Variants in MYO16 observed in about 807,000 individuals in gnomAD.
MYO16 encodes the protein myosin XVI.
A neutral mutation model predicts 205.3 loss-of-function variants in MYO16; 94 were observed. That is an observed-to-expected ratio of 0.46 (90% CI 0.39 to 0.54). MYO16 has a LOEUF of 0.54. MYO16 is among the 20% of genes least tolerant of loss of function. The pLI is 0.00. For synonymous variants in MYO16, 988 were observed against 954.0 expected, an observed-to-expected ratio of 1.04 and a Z score of -0.66; for missense variants, 2,315 against 2,387.5, an observed-to-expected ratio of 0.97 and a Z score of 0.63.
At chr13:109,066,192 G>A (rs1285179014) in intron 27 of MYO16, among the ~76,000 whole-genome samples, 1 of 152,176 alleles carries the variant, frequency 6.6e-6, no homozygotes, top group African/African-American at 2.4e-5. Context: ...TACCCAATGA[G>A]GCAGACCCTC....
intron 31 of MYO16, among the ~76,000 whole-genome samples, chr13:109,129,668 C>G (rs145734769): frequency 6.6e-6 from 1 of 151,852 alleles, no homozygotes; most frequent in Non-Finnish European, 1.5e-5. Flanking sequence ...ATGCTAAGAC[C>G]GATAAGATGG....
chr13:108,524,800 G>C, the MYO16 span, among the ~76,000 whole-genome samples: 1 of 152,102 alleles, frequency 6.6e-6, no homozygotes, highest in East Asian at 1.9e-4. Context: ...AAATGATTAA[G>C]AGTGAGACGA....
intron 20 of MYO16, among the ~76,000 whole-genome samples, chr13:108,972,351 C>CATATATATATATATATATATATATATAT (rs869041443): frequency 5.7e-5 from 1 of 17,446 alleles, no homozygotes; most frequent in African/African-American, 1.6e-4. Context: ...TATATATAGC[C>CATATATATATATATATATATATATATAT]ATATATATAT....
chr13:109,189,061 T>C (rs1879805560), intron 34 of MYO16, among the ~76,000 whole-genome samples: 1 of 151,762 alleles, frequency 6.6e-6, no homozygotes, highest in Non-Finnish European at 1.5e-5. Context: ...GTAATTGTAC[T>C]TCAGCCTGGG....
In MYO16 at chr13:108,712,725, C is replaced by A; in HGVS notation, c.357C>A (p.Leu119=). Residue 119 remains leucine, a synonymous_variant, in exon 3 of 35, where the codon CTC becomes CTA. Transcript: ENST00000457511. ...HTLVSSGGSL[L]HLCARYDNAF... ...TCGTCTCCTCGGGAGGGTCCCTGCT[C>A]CATCTGGTAAGAACCGCGACAGTCA... is the stretch of plus-strand genomic sequence containing the variant. The A allele has an allele frequency of 6.2e-7, 1 of 1,613,098 alleles. No individual in the cohort carries two copies. Among genetic ancestry groups the A allele is most frequent in the South Asian group, 1.1e-5 (1 of 90,910 alleles).
At chr13:109,146,327 G>A (rs1877328936) in intron 32 of MYO16, among the ~76,000 whole-genome samples, 1 of 152,066 alleles carries the variant, frequency 6.6e-6, no homozygotes, top group Non-Finnish European at 1.5e-5. Flanking sequence ...AGGGCCATTT[G>A]TTTACAAAAT....
intron 2 of MYO16, among the ~76,000 whole-genome samples, chr13:108,671,218 T>C (rs1451054967): frequency 6.6e-6 from 1 of 152,184 alleles, no homozygotes; most frequent in Non-Finnish European, 1.5e-5. Context: ...GTAATGATTA[T>C]GTTAAGGTGC....
intron 4 of MYO16, among the ~76,000 whole-genome samples, chr13:108,747,366 G>A (rs1360235558): frequency 1.3e-5 from 2 of 152,082 alleles, no homozygotes; most frequent in African/African-American, 2.4e-5. Context: ...TAAGTAAAAC[G>A]AATGACTGTA....
intron 1 of MYO16, among the ~76,000 whole-genome samples, chr13:108,612,286 G>C (rs536078414): frequency 6.6e-6 from 1 of 151,602 alleles, no homozygotes; most frequent in Non-Finnish European, 1.5e-5. Flanking sequence ...TCCTTAACAA[G>C]GAAAAAGGAA....
chr13:108,760,298 T>G (rs1024152879), intron 4 of MYO16, among the ~76,000 whole-genome samples: 6 of 152,206 alleles, frequency 3.9e-5, no homozygotes, highest in Admixed American at 2.0e-4. Context: ...ACAGGTATTT[T>G]ATCTCCTTTG....
chr13:109,077,377 G>T (rs185920766), intron 27 of MYO16, among the ~76,000 whole-genome samples: 2 of 152,206 alleles, frequency 1.3e-5, no homozygotes, highest in African/African-American at 2.4e-5. Context: ...TGAAGGTACA[G>T]AGATTTCTCC....
the MYO16 span, among the ~76,000 whole-genome samples, chr13:108,575,016 C>T: frequency 0.033 from 4,990 of 152,202 alleles, 246 homozygotes; most frequent in African/African-American, 0.11. Flanking sequence ...ATAAGGTGTA[C>T]TCACACACTC....
chr13:108,938,138 G>T (rs1048994592), intron 16 of MYO16, among the ~76,000 whole-genome samples: 5 of 151,818 alleles, frequency 3.3e-5, no homozygotes, highest in African/African-American at 4.8e-5. Context: ...CTCTCTAGGG[G>T]TGTGACTGTA....
Position 108,796,356 on chromosome 13 carries a change from T to C in MYO16, c.741+2716T>C, listed in dbSNP as rs562126827. 2.4e-3 allele frequency among the ~76,000 whole-genome samples: 362 copies of C among 152,290 alleles called. 3 individuals carry two copies. The highest frequency in any genetic ancestry group is 8.3e-3 in the African/African-American group (345 of 41,566). ...AGTTCAACCATTGTGGAAGTCAGTG[T>C]GGCAATTCCTCAGGGATCTAGAACT... On this transcript the variant is annotated intron_variant, in intron 6 of 34. Transcript: ENST00000457511.
intron 3 of MYO16, among the ~76,000 whole-genome samples, chr13:108,716,178 C>T (rs867726847): frequency 1.2e-4 from 19 of 152,230 alleles, no homozygotes; most frequent in Middle Eastern, 3.4e-3. Flanking sequence ...GCATAGTCAA[C>T]GAATGAATGA....
intron 13 of MYO16, among the ~76,000 whole-genome samples, chr13:108,884,522 A>C (rs1879766553): frequency 1.3e-5 from 2 of 152,098 alleles, no homozygotes; most frequent in South Asian, 4.1e-4. Flanking sequence ...CAAGGATGAG[A>C]AAAGCACTGA....
At chr13:108,606,087 T>A (rs1302862671) in intron 1 of MYO16, among the ~76,000 whole-genome samples, 2 of 152,202 alleles carry the variant, frequency 1.3e-5, no homozygotes, top group African/African-American at 4.8e-5. Flanking sequence ...TCTGTGGAAC[T>A]TGAACTTGAG....
chr13:108,782,946 C>A (rs996681035), intron 4 of MYO16, among the ~76,000 whole-genome samples: 5 of 152,146 alleles, frequency 3.3e-5, no homozygotes, highest in African/African-American at 1.2e-4. Context: ...GCTGCAGGGG[C>A]GAGGCCCTCA....
At chr13:108,500,725 G>T in the MYO16 span, among the ~76,000 whole-genome samples, 1 of 152,144 alleles carries the variant, frequency 6.6e-6, no homozygotes, top group Non-Finnish European at 1.5e-5. Flanking sequence ...TAAGGGACCA[G>T]GCCCTAATTC....
Sources: allele counts gnomAD v4.1 joint callset (sites outside exome capture counted in the v4.1 genomes callset), GRCh38; gene constraint gnomAD v4.1.1; transcripts MANE v1.5; gene names NCBI Gene and HGNC (gene_info 2026-07-23, HGNC 2026-07-21).